CLVS1: variants seen among roughly 807,000 people sequenced by gnomAD.
CLVS1 encodes the protein clavesin 1.
CLVS1 carries 10 observed loss-of-function variants against 33.1 expected under a neutral mutation model. The ratio of observed to expected loss-of-function variants is 0.30; its 90% confidence interval spans 0.19 to 0.51. CLVS1 has a LOEUF of 0.51. Among genes scored for constraint, CLVS1 ranks in the 20% least tolerant of loss-of-function variants. The probability of loss-of-function intolerance (pLI) is 0.97; values close to 1 mark genes in which losing one functional copy is unlikely to be tolerated. For synonymous variants in CLVS1, 163 were observed against 166.1 expected (o/e 0.98, Z 0.14); for missense variants, 343 against 433.4 (o/e 0.79, Z 1.85).
chr8:61,306,269 G>A (rs991841493), intron 2 of CLVS1, among the ~76,000 whole-genome samples: 1 of 152,080 alleles, frequency 6.6e-6, no homozygotes, highest in African/African-American at 2.4e-5. Flanking sequence ...GTTTTGATTT[G>A]CATTTCTCTA....
chr8:61,308,685 A>T (rs1340437301), intron 2 of CLVS1, among the ~76,000 whole-genome samples: 1 of 152,138 alleles, frequency 6.6e-6, no homozygotes, highest in East Asian at 1.9e-4. Context: ...CTCGATGGAG[A>T]CTGTCTAGAA....
At chr8:61,105,556 C>T in intron 1 of CLVS1, among the ~76,000 whole-genome samples, 1 of 152,198 alleles carries the variant, frequency 6.6e-6, no homozygotes, top group East Asian at 1.9e-4. Context: ...GGGCCAAGGG[C>T]AGTGCATGGC....
At chr8:61,345,624 GTGTGTGTGTGTGTA>G (rs1222823150) in intron 2 of CLVS1, among the ~76,000 whole-genome samples, 14 of 146,748 alleles carry the variant, frequency 9.5e-5, no homozygotes, top group African/African-American at 3.3e-4. Context: ...CTCTAGGGGT[GTGTGTGTGTGTGTA>G]TGTGTGTGTG....
chr8:61,470,928 C>A (rs190744757), intron 5 of CLVS1, among the ~76,000 whole-genome samples: 2 of 152,164 alleles, frequency 1.3e-5, no homozygotes, highest in African/African-American at 4.8e-5. Flanking sequence ...CCACTTAGAA[C>A]GCACCTCTCA....
the CLVS1 span, among the ~76,000 whole-genome samples, chr8:61,027,860 T>C: frequency 1.3e-5 from 2 of 152,228 alleles, no homozygotes; most frequent in East Asian, 3.8e-4. Flanking sequence ...AAGAATATCA[T>C]TTTCCTCAAG....
At position 61,390,420 on chromosome 8, in the gene CLVS1, G is replaced by A. The variant is rs116593045; in HGVS notation, c.630+13641G>A. ...GAAGAATTCTTTAGCTAAATTTTTG[G>A]CCACAGGAGTTAACTCCTTAGGATA... On this transcript the variant is annotated intron_variant, in intron 3 of 5. Transcript: ENST00000325897. 4.9e-3 allele frequency among the ~76,000 whole-genome samples: 751 copies of A among 152,240 alleles called. 3 individuals carry two copies. Among genetic ancestry groups the A allele is most frequent in the African/African-American group, 0.016 (684 of 41,556 alleles).
chr8:60,998,570 G>A, the CLVS1 span, among the ~76,000 whole-genome samples: 4 of 152,082 alleles, frequency 2.6e-5, 1 homozygote, highest in Admixed American at 1.3e-4. Flanking sequence ...GCTGAGCTTG[G>A]GGGTACTGTA....
chr8:61,339,749 AGGAG>A (rs1326248563), intron 2 of CLVS1, among the ~76,000 whole-genome samples: 2 of 149,238 alleles, frequency 1.3e-5, no homozygotes, highest in African/African-American at 5.0e-5. Context: ...GAAAGAGAGA[AGGAG>A]GGAGGGAGAA....
chr8:61,056,886 G>T (rs1804480512), upstream of CLVS1, among the ~76,000 whole-genome samples: 1 of 152,152 alleles, frequency 6.6e-6, no homozygotes, highest in African/African-American at 2.4e-5. Flanking sequence ...ATCCCTACCG[G>T]CTTCCTTCCT....
the CLVS1 span, among the ~76,000 whole-genome samples, chr8:60,985,353 T>C: frequency 6.6e-6 from 1 of 152,246 alleles, no homozygotes; most frequent in Non-Finnish European, 1.5e-5. Context: ...GGGCAATAGA[T>C]GACCTCAATC....
rs566983718 is a variant in CLVS1 at position 61,079,091 on chromosome 8, A to T, written c.-243+21861A>T. Among the ~76,000 whole-genome samples, 8 of 152,310 alleles carry T rather than the reference A, an allele frequency of 5.3e-5. No homozygotes were observed. The East Asian group carries it at 1.5e-3, about 29-fold the overall frequency. On this transcript the variant is annotated intron_variant, in intron 1 of 2. Transcript: ENST00000522621. ...GACGTTATTGGGGGAAAACTCAAAA[A>T]CCGTCTGGTTTAGATTATAAAATAT...
At chr8:61,276,332 T>A (rs1356549710) in intron 2 of CLVS1, among the ~76,000 whole-genome samples, 2 of 152,262 alleles carry the variant, frequency 1.3e-5, no homozygotes, top group African/African-American at 4.8e-5. Flanking sequence ...ACTTGGAATA[T>A]ATTTTTCTTT....
chr8:61,132,804 G>A (rs936006504), intron 2 of CLVS1, among the ~76,000 whole-genome samples: 4 of 152,190 alleles, frequency 2.6e-5, no homozygotes, highest in South Asian at 2.1e-4. Flanking sequence ...CCTGACTCCC[G>A]TAAGTAAAGC....
At chr8:61,194,731 A>G (rs1807566928) in intron 2 of CLVS1, among the ~76,000 whole-genome samples, 1 of 151,850 alleles carries the variant, frequency 6.6e-6, no homozygotes, top group Admixed American at 6.6e-5. Context: ...ATATTTAGAT[A>G]TATAAAAATT....
At chr8:61,472,115 T>A (rs1817755887) in intron 5 of CLVS1, among the ~76,000 whole-genome samples, 1 of 152,198 alleles carries the variant, frequency 6.6e-6, no homozygotes, top group Non-Finnish European at 1.5e-5. Context: ...CCCCTCCCCA[T>A]GCCCCTCTCT....
rs772986124 is a variant in CLVS1 at position 61,345,633 on chromosome 8, T to G, written c.456-30972T>G. On this transcript the variant is annotated intron_variant, in intron 2 of 5. Coordinates refer to ENST00000325897, the MANE Select transcript of CLVS1 (RefSeq NM_173519.3). ...TGGAGCCTCTAGGGGTGTGTGTGTG[T>G]GTGTATGTGTGTGTGTGTGTGTGTG... 2.7e-3 allele frequency among the ~76,000 whole-genome samples: 393 copies of G among 143,534 alleles called. 2 individuals carry two copies. The highest frequency in any genetic ancestry group is 4.3e-3 in the Non-Finnish European group (285 of 66,842). 94.2% of individuals were successfully genotyped at this position (143,534 alleles called of 152,430 possible).
intron 1 of CLVS1, among the ~76,000 whole-genome samples, chr8:61,074,399 T>TTA (rs796909464): frequency 5.4e-5 from 3 of 55,574 alleles, no homozygotes; most frequent in Non-Finnish European, 8.3e-5. Context: ...TATATATATG[T>TTA]TATATATATA....
intron 2 of CLVS1, among the ~76,000 whole-genome samples, chr8:61,182,088 C>G (rs949651172): frequency 6.6e-6 from 1 of 152,086 alleles, no homozygotes; most frequent in Admixed American, 6.5e-5. Flanking sequence ...GGAAATGATT[C>G]CCTTTTTAAT....
At chr8:61,163,878 G>A (rs751759154) in intron 2 of CLVS1, among the ~76,000 whole-genome samples, 5 of 152,152 alleles carry the variant, frequency 3.3e-5, no homozygotes, top group Non-Finnish European at 4.4e-5. Flanking sequence ...CTGCCATGGC[G>A]GCAAACAGCT....
Sources: allele counts gnomAD v4.1 joint callset (sites outside exome capture counted in the v4.1 genomes callset), GRCh38; gene constraint gnomAD v4.1.1; transcripts MANE v1.5; gene names NCBI Gene and HGNC (gene_info 2026-07-23, HGNC 2026-07-21).